PIF1: variants seen among roughly 807,000 people sequenced by gnomAD.
The protein encoded by PIF1 is ATP-dependent DNA helicase PIF1.
PIF1 carries 67 observed loss-of-function variants against 62.3 expected under a neutral mutation model. The observed-to-expected ratio is 1.08, with a 90% confidence interval of 0.88 to 1.32. The LOEUF is 1.32. Among genes scored for constraint, PIF1 ranks in the 40% most tolerant of loss-of-function variants. PIF1 has a pLI of 0.00. For synonymous variants in PIF1, 364 were observed against 379.5 expected, an observed-to-expected ratio of 0.96 and a Z score of 0.47; for missense variants, 886 against 866.1, an observed-to-expected ratio of 1.02 and a Z score of -0.29.
intron 4 of PIF1, 121 bp from the exon 5 acceptor site, chr15:64,821,641 G>T: frequency 8.0e-7 from 1 of 1,246,400 alleles, no homozygotes; most frequent in Non-Finnish European, 1.1e-6. Flanking sequence ...GCACGATCTT[G>T]GCTCACTGTA....
chr15:64,826,675 C>CATATAT (rs1567090359), upstream of PIF1, among the ~76,000 whole-genome samples: 23 of 92,760 alleles, frequency 2.5e-4, no homozygotes, highest in African/African-American at 8.1e-4. Context: ...TACACACACA[C>CATATAT]ACACATATAT....
At position 64,819,881 on chromosome 15, in the gene PIF1, G is replaced by T. The variant is rs1368421586; in HGVS notation, c.1299C>A (p.Ala433=). The T allele has an allele frequency of 6.2e-7, 1 of 1,613,780 alleles. No individual in the cohort carries two copies. The highest frequency in any genetic ancestry group is 1.3e-5 in the African/African-American group (1 of 74,946). ...CCTGAAGCCGCCTCTCGTTGGTGAG[G>T]GCCACATCATCCTGGTGGGTGCAGA... ...TRLCTHQDDV[A]LTNERRLQEL... The change falls in exon 8 of 13, where the codon GCC becomes GCA. Residue 433 remains alanine, a synonymous_variant. Coordinates refer to ENST00000559239, the MANE Select transcript of PIF1 (RefSeq NM_001286496.2).
intron 12 of PIF1, 89 bp downstream of exon 12, chr15:64,816,485 A>G: frequency 6.3e-7 from 1 of 1,590,960 alleles, no homozygotes; most frequent in Non-Finnish European, 8.6e-7. Context: ...TTCTGCCCCC[A>G]CCCCAGGTCC....
chr15:64,821,491 G>T lies in PIF1; in HGVS notation c.847C>A (p.Gln283Lys), dbSNP rs2084287749. The change falls in exon 5 of 13, where the codon CAG (glutamine) becomes AAG (lysine). Residue 283 changes from glutamine to lysine, a missense_variant. By Grantham distance (53) the Gln-to-Lys change is moderately conservative. Coordinates refer to ENST00000559239, the MANE Select transcript of PIF1 (RefSeq NM_001286496.2). The part of the protein sequence containing the change: ...GIGSGQAPLA[Q>K]CVALAQRPGV... Reference sequence around the variant, plus strand: ...GGCCTTTGGGCCAGGGCCACACACTGGGCTAGAGGAGCCTGGCCTGAGCCG... The same window carrying T: ...GGCCTTTGGGCCAGGGCCACACACTTGGCTAGAGGAGCCTGGCCTGAGCCG... 1.2e-6 allele frequency: 2 copies of T among 1,613,168 alleles called. No homozygotes were observed. The highest frequency in any genetic ancestry group is 3.3e-4 in the Middle Eastern group (2 of 6,050).
In PIF1 at chr15:64,821,151, A is replaced by T; in HGVS notation, c.1086+16T>A. On this transcript the variant is annotated intron_variant, in intron 6 of 12. Coordinates refer to ENST00000559239, the MANE Select transcript of PIF1 (RefSeq NM_001286496.2). ...GCAGACCCCCAAGGAGAGCAGAGCT[A>T]GGAGGTGAGTAATACCTGGAAGCAG... The T allele has an allele frequency of 6.2e-7, 1 of 1,613,636 alleles. No individual in the cohort carries two copies. The highest frequency in any genetic ancestry group is 1.1e-5 in the South Asian group (1 of 91,064).
At chr15:64,819,035 G>C in intron 9 of PIF1, 82 bp downstream of exon 9, 2 of 1,048,398 alleles carry the variant, frequency 1.9e-6, no homozygotes, top group South Asian at 3.6e-5. Context: ...CTGCAGAGTG[G>C]CCTGGGCAGA....
In PIF1 at chr15:64,824,271, G is replaced by A; in HGVS notation, c.65C>T (p.Ala22Val). Residue 22 changes from alanine to valine, a missense_variant, in exon 2 of 13, where the codon GCT becomes GTT. Physicochemically the swap from Ala to Val is moderately conservative, Grantham distance 64. Coordinates refer to ENST00000559239, the MANE Select transcript of PIF1 (RefSeq NM_001286496.2). ...YEDSELRCRV[A>V]VEELSPGGQP... Reference sequence around the variant, plus strand: ...CCCGCCCGGGCTCAGCTCCTCCACAGCCACGCGGCACCGCAGCTCCGAGTC... The same window carrying A: ...CCCGCCCGGGCTCAGCTCCTCCACAACCACGCGGCACCGCAGCTCCGAGTC... 1 of 1,284,344 alleles carries A rather than the reference G, an allele frequency of 7.8e-7. No homozygotes were observed. Among genetic ancestry groups the A allele is most frequent in the Non-Finnish European group, 9.9e-7 (1 of 1,013,360 alleles). 79.6% of individuals were successfully genotyped at this position (1,284,344 alleles called of 1,614,324 possible). A position where few individuals can be genotyped will look rare whatever the true frequency, so the allele number is the denominator to read the frequency against.
chr15:64,815,949 C>G lies in PIF1; in HGVS notation c.*349G>C. The G allele has an allele frequency of 3.9e-6, 6 of 1,548,626 alleles. No individual in the cohort carries two copies. Among genetic ancestry groups the G allele is most frequent in the Non-Finnish European group, 5.2e-6 (6 of 1,145,862 alleles). ...CTTCATTGCCTCTCCCTTCTGCAGC[C>G]TGAAAGGAGGGATGTTCAGGACTCT... On this transcript the variant is annotated 3_prime_UTR_variant, in exon 13 of 13. Coordinates refer to ENST00000559239, the MANE Select transcript of PIF1 (RefSeq NM_001286496.2).
At position 64,823,769 on chromosome 15, in the gene PIF1, C is replaced by G. The variant is rs769780987; in HGVS notation, c.558+9G>C. 3 of 1,316,568 alleles carry G rather than the reference C, an allele frequency of 2.3e-6. No individual in the cohort carries two copies. Among genetic ancestry groups the G allele is most frequent in the African/African-American group, 1.5e-5 (1 of 66,378 alleles). 81.6% of individuals were successfully genotyped at this position (1,316,568 alleles called of 1,614,324 possible). ...ACTCCTAAAGGTGTCCCTTCTTTCCCGTCCTCACTGTGCTAGGCTCGGCCC... is the reference window on the plus strand; with the variant it reads ...ACTCCTAAAGGTGTCCCTTCTTTCCGGTCCTCACTGTGCTAGGCTCGGCCC... On this transcript the variant is annotated intron_variant, in intron 2 of 12. Coordinates refer to ENST00000559239, the MANE Select transcript of PIF1 (RefSeq NM_001286496.2).
chr15:64,826,701 T>TACACACACATATATATATAC (rs1567090401), upstream of PIF1, among the ~76,000 whole-genome samples: 1 of 130,670 alleles, frequency 7.7e-6, no homozygotes, highest in East Asian at 2.2e-4. Flanking sequence ...CACATATATA[T>TACACACACATATATATATAC]ACACACACAT....
chr15:64,824,005 C>T lies in PIF1; in HGVS notation c.331G>A (p.Asp111Asn). Residue 111 changes from aspartate (D) to asparagine (N), a missense_variant, in exon 2 of 13, where the codon GAC becomes AAC. Physicochemically the swap from Asp to Asn is conservative, Grantham distance 23. Coordinates refer to ENST00000559239, the MANE Select transcript of PIF1 (RefSeq NM_001286496.2). ...GTGCGCAGGAAGCGGCGCAGGCGGT[C>T]TGGGGGGCAGTCCGAGAGCAGCAGC... ...VQLLLSDCPP[D>N]RLRRFLRTLR... 1 of 1,298,308 alleles carries T rather than the reference C, an allele frequency of 7.7e-7. No individual in the cohort carries two copies. The highest frequency in any genetic ancestry group is 4.0e-5 in the Admixed American group (1 of 24,990). The allele number at this position is 1,298,308 out of a possible 1,614,324, so 80.4% of individuals were successfully genotyped here. A position where few individuals can be genotyped will look rare whatever the true frequency, so the allele number is the denominator to read the frequency against.
chr15:64,820,885 A>G, intron 7 of PIF1, 97 bp downstream of exon 7: 1 of 1,115,422 alleles, frequency 9.0e-7, no homozygotes, highest in Non-Finnish European at 1.3e-6. Context: ...CCTGAGGGTA[A>G]CAATTCTACC....
In PIF1 at chr15:64,821,192, G is replaced by A. The variant is rs1470962678; in HGVS notation, c.1061C>T (p.Ser354Phe). The change falls in exon 6 of 13, where the codon TCC (serine) becomes TTC (phenylalanine). Residue 354 changes from serine (S) to phenylalanine (F), a missense_variant. Transcript: ENST00000559239. ...CTGGAAGCAGAACCGTGGGGGCTGG[G>A]AGCCCTTGGTCACAGGTGGCAGCTG... Reference protein sequence around the residue: ...FLQLPPVTKGSQPPRFCFQSK... With the variant: ...FLQLPPVTKGFQPPRFCFQSK... The A allele has an allele frequency of 5.6e-6, 9 of 1,614,086 alleles. No individual in the cohort carries two copies. The highest frequency in any genetic ancestry group is 2.7e-5 in the African/African-American group (2 of 74,944).
At chr15:64,820,638 G>T (rs1018513591) in intron 7 of PIF1, among the ~76,000 whole-genome samples, 1 of 152,106 alleles carries the variant, frequency 6.6e-6, no homozygotes, top group South Asian at 2.1e-4. Context: ...CTTGTGATCC[G>T]CCTGCCTCAG....
chr15:64,818,458 C>A, intron 9 of PIF1, 114 bp from the exon 10 acceptor site: 4 of 975,340 alleles, frequency 4.1e-6, no homozygotes, highest in Non-Finnish European at 4.6e-6. Context: ...GACACTGAAT[C>A]CCAATCCTTA....
chr15:64,820,302 C>T (rs147268963), intron 7 of PIF1, among the ~76,000 whole-genome samples: 82 of 152,368 alleles, frequency 5.4e-4, no homozygotes, highest in Non-Finnish European at 9.7e-4. Flanking sequence ...TGAGTGAGCA[C>T]AGGCTGGAGA....
upstream of PIF1, among the ~76,000 whole-genome samples, chr15:64,826,362 A>C (rs1567090116): frequency 6.6e-6 from 1 of 151,792 alleles, no homozygotes; most frequent in Non-Finnish European, 1.5e-5. Flanking sequence ...GCTGGAAAGG[A>C]TCTTACAGGT....
In PIF1 at chr15:64,818,042, A is replaced by T; in HGVS notation, c.1578T>A (p.Ala526=). ...FLCGVTEVIH[A]DRWTVQATGG... is the part of the protein sequence containing the mutation. ...CGGTGGCCTGCACCGTCCAGCGGTC[A>T]GCGTGGATGACCTCAGTGACTCCAC... Residue 526 remains alanine, a synonymous_variant, in exon 11 of 13, where the codon GCT becomes GCA. Transcript: ENST00000559239. The T allele has an allele frequency of 6.2e-7, 1 of 1,613,972 alleles. No homozygotes were observed. The highest frequency in any genetic ancestry group is 8.5e-7 in the Non-Finnish European group (1 of 1,179,948).
In PIF1 at chr15:64,822,249, T is replaced by A; in HGVS notation, c.817+17A>T. The A allele has an allele frequency of 6.8e-6, 11 of 1,609,006 alleles. No individual in the cohort carries two copies. The highest frequency in any genetic ancestry group is 8.5e-6 in the Non-Finnish European group (10 of 1,178,530). ...CTGGGCTTGCTCTTAGCTCAAGCCC[T>A]AGGGGTTCCTACTTACCTGCAAAGG... On this transcript the variant is annotated intron_variant, in intron 4 of 12. Coordinates refer to ENST00000559239, the MANE Select transcript of PIF1 (RefSeq NM_001286496.2).
Sources: gnomAD v4.1 joint callset for allele counts (sites outside exome capture counted in the v4.1 genomes callset) on GRCh38, gnomAD v4.1.1 for gene constraint, MANE v1.5 for transcripts, NCBI Gene and HGNC (gene_info 2026-07-23, HGNC 2026-07-21) for gene names.